Variants in DOCK11 observed in about 807,000 individuals in gnomAD.
DOCK11 encodes dedicator of cytokinesis protein 11.
A neutral mutation model predicts 169.1 loss-of-function variants in DOCK11; 70 were observed. The observed-to-expected ratio is 0.41, with a 90% confidence interval of 0.34 to 0.51. DOCK11 has a LOEUF of 0.51. DOCK11 is among the 20% of genes least tolerant of loss of function. The pLI is 0.10. For missense variants in DOCK11, 1,166 were observed against 1,538.8 expected (o/e 0.76, Z 4.05); for synonymous variants, 529 against 541.3 (o/e 0.98, Z 0.32).
chrX:118,614,489 C>G (rs1441483993), intron 28 of DOCK11, among the ~76,000 whole-genome samples: 1 of 111,425 alleles, frequency 9.0e-6, no homozygotes, highest in African/African-American at 3.3e-5. Context: ...ATAATTGAGG[C>G]CCTTCAGTCC....
intron 1 of DOCK11, among the ~76,000 whole-genome samples, chrX:118,540,876 A>T (rs1037315260): frequency 3.6e-5 from 4 of 111,999 alleles, no homozygotes; most frequent in Non-Finnish European, 7.5e-5. Flanking sequence ...GTTTTTATAC[A>T]GTTTTTATTA....
At position 118,587,546 on chromosome X, in the gene DOCK11, A is replaced by G. The variant is rs538480418; in HGVS notation, c.1796-591A>G. Among the ~76,000 whole-genome samples the G allele has an allele frequency of 2.1e-4, 24 of 112,133 alleles. No homozygotes were observed. The South Asian group carries it at 8.9e-3, about 42-fold the overall frequency. The stretch of plus-strand genomic sequence containing the variant: ...CTTAGAGCCCCTTAAGTATATGAAT[A>G]ACCTTTACTACAGTGACGATTTCAA... On this transcript the variant is annotated intron_variant, in intron 16 of 52. Transcript: ENST00000276202.
chrX:118,506,254 C>CA (rs1290955598), intron 1 of DOCK11, among the ~76,000 whole-genome samples: 3,961 of 71,225 alleles, frequency 0.056, 177 homozygotes, highest in African/African-American at 0.16. Context: ...GACCCTGTCT[C>CA]AAAAAAAAAA....
intron 30 of DOCK11, among the ~76,000 whole-genome samples, chrX:118,618,348 G>A (rs958395509): frequency 2.7e-5 from 3 of 111,725 alleles, no homozygotes; most frequent in African/African-American, 6.5e-5. Flanking sequence ...TAAAGCTATC[G>A]TTTAGCCCAA....
intron 1 of DOCK11, among the ~76,000 whole-genome samples, chrX:118,527,861 T>G (rs1287354151): frequency 8.9e-6 from 1 of 112,060 alleles, no homozygotes. Context: ...ACCTTCCATA[T>G]AATTTTAGTA....
Position 118,548,270 on chromosome X carries a change from A to G in DOCK11, c.558+2154A>G, listed in dbSNP as rs770844525. On this transcript the variant is annotated intron_variant, in intron 6 of 52. Transcript: ENST00000276202. ...AATTTTGTAGGAGTCCATATATTAT[A>G]AGCCAAAAAGCACATGCTTTACATT... 1.3e-4 allele frequency among the ~76,000 whole-genome samples: 15 copies of G among 112,410 alleles called. No individual in the cohort carries two copies. In the South Asian group the frequency reaches 5.5e-3, roughly 41 times the overall value.
intron 6 of DOCK11, among the ~76,000 whole-genome samples, chrX:118,555,724 G>GT (rs886700675): frequency 9.0e-6 from 1 of 110,903 alleles, no homozygotes; most frequent in African/African-American, 3.3e-5. Context: ...AAGTCCTGTG[G>GT]TTTTTTTCCC....
chrX:118,496,000 G>A lies in DOCK11; in HGVS notation c.29G>A (p.Arg10Gln). Residue 10 changes from arginine (R) to glutamine (Q), a missense_variant, in exon 1 of 53, where the codon CGG (arginine) becomes CAG (glutamine). Transcript: ENST00000276202. Reference protein sequence around the residue: MAEVRKFTKRLSKPGTAAEL... With the variant: MAEVRKFTKQLSKPGTAAEL... ...GCCGAAGTGCGCAAATTCACCAAACGGCTCAGCAAGCCTGGCACGGCGGCT... is the reference window on the plus strand; with the variant it reads ...GCCGAAGTGCGCAAATTCACCAAACAGCTCAGCAAGCCTGGCACGGCGGCT... 1 of 1,094,424 alleles carries A rather than the reference G, an allele frequency of 9.1e-7. No individual in the cohort carries two copies. The highest frequency in any genetic ancestry group is 1.9e-5 in the African/African-American group (1 of 52,301). 90.2% of individuals were successfully genotyped at this position (1,094,424 alleles called of 1,213,427 possible).
At chrX:118,530,009 C>T (rs886360965) in intron 1 of DOCK11, among the ~76,000 whole-genome samples, 1 of 112,020 alleles carries the variant, frequency 8.9e-6, no homozygotes, top group Non-Finnish European at 1.9e-5. Context: ...GGGATTGAAA[C>T]AAAGAAATAC....
intron 40 of DOCK11, among the ~76,000 whole-genome samples, chrX:118,644,132 A>C (rs1214723248): frequency 8.9e-6 from 1 of 111,979 alleles, no homozygotes; most frequent in Non-Finnish European, 1.9e-5. Flanking sequence ...TTTAGGAAGA[A>C]ATATGACTGA....
intron 19 of DOCK11, among the ~76,000 whole-genome samples, chrX:118,591,309 T>C (rs1212608306): frequency 8.9e-6 from 1 of 111,952 alleles, no homozygotes; most frequent in East Asian, 2.8e-4. Flanking sequence ...TGCCCATATT[T>C]ATGTGCAGCA....
intron 1 of DOCK11, among the ~76,000 whole-genome samples, chrX:118,529,127 C>T (rs771861194): frequency 6.5e-4 from 71 of 109,455 alleles, no homozygotes; most frequent in African/African-American, 2.1e-3. Flanking sequence ...ACTACAGGCG[C>T]GTGCCACCAT....
At chrX:118,598,180 A>G (rs1342452611) in intron 22 of DOCK11, 64 bp downstream of exon 22, 3 of 833,075 alleles carry the variant, frequency 3.6e-6, no homozygotes, top group Non-Finnish European at 5.2e-6. Flanking sequence ...AAAATAGACC[A>G]CATTTGATTC....
chrX:118,641,027 G>T (rs1461141449), intron 38 of DOCK11, among the ~76,000 whole-genome samples, 163 bp from the exon 39 acceptor site: 2 of 111,459 alleles, frequency 1.8e-5, no homozygotes, highest in African/African-American at 6.5e-5. Context: ...CTGACCTCAT[G>T]ATCTGTCCGC....
intron 1 of DOCK11, among the ~76,000 whole-genome samples, chrX:118,532,183 A>G (rs1223818246): frequency 9.0e-6 from 1 of 110,981 alleles, no homozygotes; most frequent in Non-Finnish European, 1.9e-5. Context: ...CACCCTTTCT[A>G]AGGATAGAGA....
At chrX:118,606,779 A>G (rs946975356) in intron 24 of DOCK11, among the ~76,000 whole-genome samples, 2 of 111,752 alleles carry the variant, frequency 1.8e-5, no homozygotes, top group Non-Finnish European at 3.8e-5. Context: ...AGTAGCATCA[A>G]TATCGCCTGG....
intron 1 of DOCK11, among the ~76,000 whole-genome samples, chrX:118,506,026 G>A (rs2057608988): frequency 8.9e-6 from 1 of 112,347 alleles, no homozygotes; most frequent in African/African-American, 3.2e-5. Context: ...GCTGAGCTGG[G>A]AGGATTGCTT....
chrX:118,657,860 CTA>C, intron 44 of DOCK11, among the ~76,000 whole-genome samples: 1 of 109,982 alleles, frequency 9.1e-6, no homozygotes, highest in Admixed American at 9.7e-5. Flanking sequence ...GAATTAAAGA[CTA>C]CACATTGGGT....
At chrX:118,648,190 TAATATAATATA>T in intron 40 of DOCK11, among the ~76,000 whole-genome samples, 1 of 72,054 alleles carries the variant, frequency 1.4e-5, no homozygotes, top group East Asian at 3.6e-4. Context: ...TAATATATAA[TAATATAATATA>T]TAATATTATA....
Sources: allele counts gnomAD v4.1 joint callset (sites outside exome capture counted in the v4.1 genomes callset), GRCh38; gene constraint gnomAD v4.1.1; transcripts MANE v1.5; gene names NCBI Gene and HGNC (gene_info 2026-07-23, HGNC 2026-07-21).